LINGO2: variants seen among roughly 807,000 people sequenced by gnomAD.
The protein encoded by LINGO2 is leucine-rich repeat and immunoglobulin-like domain-containing nogo receptor-interacting protein 2.
Under a neutral mutation model 30.6 loss-of-function variants are expected in LINGO2, and 14 were observed. That is an observed-to-expected ratio of 0.46 (90% CI 0.30 to 0.72). The LOEUF (loss-of-function observed/expected upper bound fraction) is 0.72, where lower values mean the gene tolerates loss of function less well. Ranked by LOEUF, LINGO2 falls within the 30% of genes least tolerant of loss-of-function variation. The pLI is 0.07. For missense variants in LINGO2, 729 were observed against 751.7 expected (o/e 0.97, Z 0.35); for synonymous variants, 317 against 288.5 (o/e 1.10, Z -1.00).
chr9:28,645,320 A>G (rs1014447495), intron 1 of LINGO2, among the ~76,000 whole-genome samples: 2 of 152,130 alleles, frequency 1.3e-5, no homozygotes, highest in African/African-American at 2.4e-5. Context: ...GGTCATTCAC[A>G]TAAACATAAG....
intron 5 of LINGO2, among the ~76,000 whole-genome samples, chr9:27,969,595 G>T (rs1293248474): frequency 6.6e-6 from 1 of 152,108 alleles, no homozygotes; most frequent in African/African-American, 2.4e-5. Flanking sequence ...TAAGAAAAGT[G>T]AGTCTCTGGG....
chr9:29,187,179 C>A, the LINGO2 span, among the ~76,000 whole-genome samples: 1 of 152,150 alleles, frequency 6.6e-6, no homozygotes, highest in African/African-American at 2.4e-5. Flanking sequence ...CCTTCACAAT[C>A]AATTCACTTT....
chr9:28,219,692 C>T (rs1421619101), intron 4 of LINGO2, among the ~76,000 whole-genome samples: 1 of 152,114 alleles, frequency 6.6e-6, no homozygotes, highest in Non-Finnish European at 1.5e-5. Context: ...GGTTTATACC[C>T]TTCATAGTTA....
At chr9:28,226,097 C>G (rs1821134039) in intron 4 of LINGO2, among the ~76,000 whole-genome samples, 2 of 152,152 alleles carry the variant, frequency 1.3e-5, no homozygotes, top group Admixed American at 6.6e-5. Context: ...ACAATCCAGC[C>G]AAGGCCACAG....
At chr9:28,517,175 T>C (rs1820651818) in intron 1 of LINGO2, among the ~76,000 whole-genome samples, 1 of 152,188 alleles carries the variant, frequency 6.6e-6, no homozygotes, top group South Asian at 2.1e-4. Context: ...AGGTCTTTCT[T>C]ACAGACAAAT....
At chr9:28,217,793 A>G (rs1374872429) in intron 4 of LINGO2, among the ~76,000 whole-genome samples, 1 of 152,068 alleles carries the variant, frequency 6.6e-6, no homozygotes, top group Non-Finnish European at 1.5e-5. Context: ...TTCATGAAAT[A>G]GGAACTGCTT....
chr9:28,678,157 A>AC, the LINGO2 span, among the ~76,000 whole-genome samples: 5 of 151,252 alleles, frequency 3.3e-5, no homozygotes, highest in African/African-American at 9.7e-5. Flanking sequence ...AAAAAAAAAA[A>AC]AACTTTATTT....
At chr9:28,924,864 C>G in the LINGO2 span, among the ~76,000 whole-genome samples, 1 of 152,122 alleles carries the variant, frequency 6.6e-6, no homozygotes, top group Non-Finnish European at 1.5e-5. Context: ...GACCTTGTCT[C>G]TTTTTATAGT....
chr9:28,953,251 G>A, the LINGO2 span, among the ~76,000 whole-genome samples: 1 of 151,998 alleles, frequency 6.6e-6, no homozygotes. Context: ...TATTTTTCTG[G>A]GAACTTGAAT....
At chr9:28,062,046 A>G (rs1825160769) in intron 4 of LINGO2, among the ~76,000 whole-genome samples, 1 of 152,102 alleles carries the variant, frequency 6.6e-6, no homozygotes, top group South Asian at 2.1e-4. Flanking sequence ...TGTTACTACT[A>G]ACACTTAGTC....
chr9:28,322,810 G>A (rs1825095867), intron 3 of LINGO2, among the ~76,000 whole-genome samples: 1 of 152,106 alleles, frequency 6.6e-6, no homozygotes, highest in South Asian at 2.1e-4. Flanking sequence ...TATATTCAAA[G>A]ACACAATGTT....
chr9:28,085,493 G>A (rs974746130), intron 4 of LINGO2, among the ~76,000 whole-genome samples: 1 of 152,084 alleles, frequency 6.6e-6, no homozygotes, highest in Non-Finnish European at 1.5e-5. Context: ...CAGAGTAATT[G>A]TTTATCACTG....
At chr9:28,394,838 G>A (rs1327663880) in intron 2 of LINGO2, among the ~76,000 whole-genome samples, 1 of 152,186 alleles carries the variant, frequency 6.6e-6, no homozygotes, top group African/African-American at 2.4e-5. Flanking sequence ...AGAAATAACA[G>A]AATTAACTAT....
intron 5 of LINGO2, among the ~76,000 whole-genome samples, chr9:27,969,333 C>G (rs1032570975): frequency 6.6e-6 from 1 of 151,942 alleles, no homozygotes; most frequent in Non-Finnish European, 1.5e-5. Flanking sequence ...GTTCAGTTTT[C>G]CAACAAGAAA....
At chr9:29,146,310 A>G in the LINGO2 span, among the ~76,000 whole-genome samples, 1 of 152,052 alleles carries the variant, frequency 6.6e-6, no homozygotes, top group African/African-American at 2.4e-5. Flanking sequence ...AGTCGAGATC[A>G]CACCACTGCA....
At chr9:28,664,726 G>A (rs1828724847) in intron 1 of LINGO2, among the ~76,000 whole-genome samples, 2 of 151,894 alleles carry the variant, frequency 1.3e-5, no homozygotes, top group African/African-American at 4.8e-5. Context: ...CTCCCAGAAT[G>A]CTCTTTCTGC....
At chr9:28,465,905 A>G (rs891168769) in intron 2 of LINGO2, among the ~76,000 whole-genome samples, 3 of 152,268 alleles carry the variant, frequency 2.0e-5, no homozygotes, top group Admixed American at 2.0e-4. Context: ...CAAAACTACA[A>G]TGAGATATCC....
the LINGO2 span, among the ~76,000 whole-genome samples, chr9:28,735,766 T>C: frequency 1.3e-5 from 2 of 150,846 alleles, no homozygotes. Flanking sequence ...AAAAATCTCA[T>C]TACTTAAAAA....
chr9:28,182,491 G>A (rs1302179969), intron 4 of LINGO2, among the ~76,000 whole-genome samples: 1 of 152,164 alleles, frequency 6.6e-6, no homozygotes, highest in African/African-American at 2.4e-5. Context: ...AAGAGCTTCT[G>A]CACAGCAAAA....
Sources: allele counts gnomAD v4.1 joint callset (sites outside exome capture counted in the v4.1 genomes callset), GRCh38; gene constraint gnomAD v4.1.1; transcripts MANE v1.5; gene names NCBI Gene and HGNC (gene_info 2026-07-23, HGNC 2026-07-21).